The following SPHK1 variants were observed in gnomAD, a reference collection of about 807,000 sequenced individuals.
SPHK1 encodes SK 1.
In SPHK1, 10 loss-of-function variants were observed where a neutral mutation model predicts 14.6. The ratio of observed to expected loss-of-function variants is 0.68; its 90% CI spans 0.42 to 1.16. The LOEUF is 1.16. Ranked by LOEUF, SPHK1 falls within the 50% of genes most tolerant of loss-of-function variation. SPHK1 has a pLI of 0.00. For missense variants in SPHK1, 553 were observed against 525.4 expected (o/e 1.05, Z -0.51); for synonymous variants, 274 against 224.0 (o/e 1.22, Z -1.99).
chr17:76,384,964 CA>C, intron 1 of SPHK1, 158 bp downstream of exon 1: 1 of 982,954 alleles, frequency 1.0e-6, no homozygotes, highest in African/African-American at 1.7e-5. Context: ...GAGCGGCTCC[CA>C]CGAGCGCCGC....
Position 76,387,366 on chromosome 17 carries a change from TG to T in SPHK1, c.937del (p.Glu313SerfsTer32). On this transcript the variant is annotated frameshift_variant, in exon 6 of 6. Transcript: ENST00000592299. LOFTEE classifies it low-confidence loss of function (END_TRUNC). The surrounding 1 kb of genome is among the most constrained non-coding windows in gnomAD (Gnocchi z 4.1). Reference protein sequence around the residue: ...LFLAMEKGRHMEYECPYLVYV... With the variant: ...LFLAMEKGRHXEYECPYLVYV... Reference sequence around the variant, plus strand: ...CTGGCCATGGAGAAGGGCAGGCATATGGAGTATGAATGCCCCTACTTGGTAT... The same window carrying T: ...CTGGCCATGGAGAAGGGCAGGCATATGAGTATGAATGCCCCTACTTGGTAT... 1.9e-6 allele frequency: 3 copies of T among 1,613,910 alleles called. No individual in the cohort carries two copies. Among genetic ancestry groups the T allele is most frequent in the Non-Finnish European group, 2.5e-6 (3 of 1,180,018 alleles).
chr17:76,386,393 G>A lies in SPHK1; in HGVS notation c.259G>A (p.Val87Met), dbSNP rs772495930. 12 of 1,610,862 alleles carry A rather than the reference G, an allele frequency of 7.4e-6. No individual in the cohort carries two copies. The South Asian group carries it at 1.3e-4, about 18-fold the overall frequency. ...GCTGAGGCCACGTGTGCTTCAACAG[G>A]TGGTGAACGGGCTCATGGAGCGGCC... ...VMSGDGLMHE[V>M]VNGLMERPDW... The change falls in exon 5 of 6, where the codon GTG becomes ATG. Residue 87 changes from valine (V) to methionine (M), a missense_variant and splice_region_variant. Coordinates refer to ENST00000592299, the MANE Select transcript of SPHK1 (RefSeq NM_001142601.2). The surrounding 1 kb of genome is among the most constrained non-coding windows in gnomAD (Gnocchi z 5.3).
In SPHK1 at chr17:76,385,683, G is replaced by A. The variant is rs949077830; in HGVS notation, c.10+29G>A. The A allele has an allele frequency of 5.9e-6, 9 of 1,523,250 alleles. No homozygotes were observed. Among genetic ancestry groups the A allele is most frequent in the Admixed American group, 4.0e-5 (2 of 50,214 alleles). The allele number at this position is 1,523,250 out of a possible 1,614,324, so 94.4% of individuals were successfully genotyped here. A position where few individuals can be genotyped will look rare whatever the true frequency, so the allele number is the denominator to read the frequency against. On this transcript the variant is annotated intron_variant, in intron 2 of 5. Transcript: ENST00000592299. The surrounding 1 kb of genome is among the most constrained non-coding windows in gnomAD (Gnocchi z 5.3). ...TGTGGGGTTCCTGCTGGGAAGGGCTGTAGGGGGATTCCTGTTCCTCGCCAG... is the reference window on the plus strand; with the variant it reads ...TGTGGGGTTCCTGCTGGGAAGGGCTATAGGGGGATTCCTGTTCCTCGCCAG...
chr17:76,385,461 C>T lies in SPHK1; in HGVS notation c.-184C>T, dbSNP rs1170322216. The T allele has an allele frequency of 6.4e-7, 1 of 1,552,788 alleles. No individual in the cohort carries two copies. Among genetic ancestry groups the T allele is most frequent in the South Asian group, 1.2e-5 (1 of 85,574 alleles). ...TCTTCTCTCCCTCAGGTCCAGCCGC[C>T]GCAGGGAATGACGCCGGTGCTCCTG... On this transcript the variant is annotated 5_prime_UTR_variant, in exon 2 of 6. Transcript: ENST00000592299. This position sits in a 1 kb window ranked among gnomAD's most constrained non-coding sequence, Gnocchi z 5.3.
At position 76,385,786 on chromosome 17, in the gene SPHK1, C is replaced by T. The variant is rs1028705430; in HGVS notation, c.10+132C>T. 11 of 1,423,908 alleles carry T rather than the reference C, an allele frequency of 7.7e-6. No individual in the cohort carries two copies. The highest frequency in any genetic ancestry group is 2.0e-5 in the Admixed American group (1 of 50,520). The allele number at this position is 1,423,908 out of a possible 1,614,324, so 88.2% of individuals were successfully genotyped here. On this transcript the variant is annotated intron_variant, in intron 2 of 5. Coordinates refer to ENST00000592299, the MANE Select transcript of SPHK1 (RefSeq NM_001142601.2). This position sits in a 1 kb window ranked among gnomAD's most constrained non-coding sequence, Gnocchi z 5.3. ...CATTATCCCTCACGAGGCCAGAAGC[C>T]GGCCGAATCTGAGCCAAGGAAGGGG...
At position 76,387,731 on chromosome 17, in the gene SPHK1, A is replaced by G. The variant is rs922836317; in HGVS notation, c.*145A>G. ...AAGGTGGAGGCTATGCTTTGGGGGG[A>G]CAGGCCAGAATGAAGTCCTGGGTCA... On this transcript the variant is annotated 3_prime_UTR_variant, in exon 6 of 6. Transcript: ENST00000592299. The surrounding 1 kb of genome is among the most constrained non-coding windows in gnomAD (Gnocchi z 4.1). 11 of 988,066 alleles carry G rather than the reference A, an allele frequency of 1.1e-5. No individual in the cohort carries two copies. In the East Asian group the frequency reaches 2.1e-4, roughly 19 times the overall value. 61.2% of individuals were successfully genotyped at this position (988,066 alleles called of 1,614,324 possible).
chr17:76,387,592 G>A lies in SPHK1; in HGVS notation c.*6G>A. ...CGCCAGAAGAGCCCTTATGACCCCTGGGCCGCGCTGTGCCTTAGTGTCTAC... is the reference window on the plus strand; with the variant it reads ...CGCCAGAAGAGCCCTTATGACCCCTAGGCCGCGCTGTGCCTTAGTGTCTAC... On this transcript the variant is annotated 3_prime_UTR_variant, in exon 6 of 6. Coordinates refer to ENST00000592299, the MANE Select transcript of SPHK1 (RefSeq NM_001142601.2). The surrounding 1 kb of genome is among the most constrained non-coding windows in gnomAD (Gnocchi z 4.1). The A allele has an allele frequency of 6.4e-7, 1 of 1,572,378 alleles. No individual in the cohort carries two copies. Among genetic ancestry groups the A allele is most frequent in the Non-Finnish European group, 8.6e-7 (1 of 1,163,382 alleles).
chr17:76,383,655 C>G, upstream of SPHK1: 1 of 360,546 alleles, frequency 2.8e-6, no homozygotes. Context: ...CTTCTTCCTC[C>G]GTCTCCGCCG....
At position 76,386,621 on chromosome 17, in the gene SPHK1, T is replaced by C; in HGVS notation, c.374+113T>C. ...ATCATTTCCATTTCCCCTTCTCCCT[T>C]AGTCCTGGGGCCCTCTCCTGGTGAC... On this transcript the variant is annotated intron_variant, in intron 5 of 5. Transcript: ENST00000592299. The surrounding 1 kb of genome is among the most constrained non-coding windows in gnomAD (Gnocchi z 5.3). The C allele has an allele frequency of 8.2e-7, 1 of 1,221,036 alleles. No homozygotes were observed. Among genetic ancestry groups the C allele is most frequent in the Non-Finnish European group, 1.1e-6 (1 of 882,972 alleles). 75.6% of individuals were successfully genotyped at this position (1,221,036 alleles called of 1,614,324 possible).
At position 76,386,491 on chromosome 17, in the gene SPHK1, C is replaced by T. The variant is rs2099674821; in HGVS notation, c.357C>T (p.Ser119=). 4 of 1,612,432 alleles carry T rather than the reference C, an allele frequency of 2.5e-6. No individual in the cohort carries two copies. Among genetic ancestry groups the T allele is most frequent in the East Asian group, 2.2e-5 (1 of 44,888 alleles). ...PAGSGNALAA[S]LNHYAGYEQV... is the part of the protein sequence containing the mutation. ...GCTCTGGCAACGCGCTGGCAGCTTC[C>T]TTGAACCATTATGCTGGGTGAGAGC... The change falls in exon 5 of 6, where the codon TCC becomes TCT. Residue 119 remains serine, a synonymous_variant. Coordinates refer to ENST00000592299, the MANE Select transcript of SPHK1 (RefSeq NM_001142601.2). The surrounding 1 kb of genome is among the most constrained non-coding windows in gnomAD (Gnocchi z 5.3).
chr17:76,384,289 C>G (rs2071919877), upstream of SPHK1: 1 of 151,796 alleles, frequency 6.6e-6, no homozygotes, highest in African/African-American at 2.4e-5. Context: ...GCGCCTCCGT[C>G]TGCGCTGCGC....
Position 76,385,066 on chromosome 17 carries a change from G to T in SPHK1, c.-195+260G>T, listed in dbSNP as rs200588813. The T allele has an allele frequency of 3.2e-6, 5 of 1,545,508 alleles. No homozygotes were observed. In the Admixed American group the frequency reaches 9.9e-5, roughly 31 times the overall value. On this transcript the variant is annotated intron_variant, in intron 1 of 5. Coordinates refer to ENST00000592299, the MANE Select transcript of SPHK1 (RefSeq NM_001142601.2). This position sits in a 1 kb window ranked among gnomAD's most constrained non-coding sequence, Gnocchi z 5.3. The stretch of plus-strand genomic sequence containing the variant: ...GGCAGGGGACACGGCAACCTGGATG[G>T]CTGGGGCAGGGATCCTCTCCCAGAA...
rs1458915317 is a variant in SPHK1, at chr17:76,385,545, G to A, written c.-100G>A. 1.3e-6 allele frequency: 2 copies of A among 1,540,266 alleles called. No individual in the cohort carries two copies. The highest frequency in any genetic ancestry group is 2.4e-5 in the East Asian group (1 of 41,468). The stretch of plus-strand genomic sequence containing the variant: ...ACAGCCGGCCCTGCGACGCCCGCCT[G>A]GGCAGCACCGATAAGGAGCTGAAGG... On this transcript the variant is annotated 5_prime_UTR_variant, in exon 2 of 6. The change creates a premature stop within an existing upstream ORF in the 5' untranslated region. Transcript: ENST00000592299. This position sits in a 1 kb window ranked among gnomAD's most constrained non-coding sequence, Gnocchi z 5.3.
Position 76,386,254 on chromosome 17 carries a change from CGGA to C in SPHK1, c.202_204del (p.Glu68del). The C allele has an allele frequency of 6.3e-7, 1 of 1,595,092 alleles. No homozygotes were observed. Among genetic ancestry groups the C allele is most frequent in the Non-Finnish European group, 8.5e-7 (1 of 1,176,376 alleles). On this transcript the variant is annotated inframe_deletion, in exon 4 of 6. Coordinates refer to ENST00000592299, the MANE Select transcript of SPHK1 (RefSeq NM_001142601.2). This position sits in a 1 kb window ranked among gnomAD's most constrained non-coding sequence, Gnocchi z 5.3. ...AACCACGCGCGGGAGCTGGTGCGGT[CGGA>C]GGAGCTGGGCCGCTGGGACGCTCTG...
rs754789992 is a variant in SPHK1, at chr17:76,385,471, G to A, written c.-174G>A. The stretch of plus-strand genomic sequence containing the variant: ...CTCAGGTCCAGCCGCCGCAGGGAAT[G>A]ACGCCGGTGCTCCTGCAGCCACGGC... On this transcript the variant is annotated 5_prime_UTR_variant, in exon 2 of 6. It removes an upstream start codon present in the reference 5' UTR. Coordinates refer to ENST00000592299, the MANE Select transcript of SPHK1 (RefSeq NM_001142601.2). This position sits in a 1 kb window ranked among gnomAD's most constrained non-coding sequence, Gnocchi z 5.3. The A allele has an allele frequency of 1.3e-6, 2 of 1,558,874 alleles. No individual in the cohort carries two copies. Among genetic ancestry groups the A allele is most frequent in the Non-Finnish European group, 8.6e-7 (1 of 1,160,492 alleles).
chr17:76,386,652 C>A lies in SPHK1; in HGVS notation c.374+144C>A. ...TGGGGCCCTCTCCTGGTGACCCCAG[C>A]TGACTGCTTCCATTTGCTCCATCTG... On this transcript the variant is annotated intron_variant, in intron 5 of 5. Coordinates refer to ENST00000592299, the MANE Select transcript of SPHK1 (RefSeq NM_001142601.2). This position sits in a 1 kb window ranked among gnomAD's most constrained non-coding sequence, Gnocchi z 5.3. 8.7e-7 allele frequency: 1 copy of A among 1,146,846 alleles called. No individual in the cohort carries two copies. Among genetic ancestry groups the A allele is most frequent in the Non-Finnish European group, 1.2e-6 (1 of 820,368 alleles). The allele number at this position is 1,146,846 out of a possible 1,614,324, so 71.0% of individuals were successfully genotyped here.
Position 76,385,554 on chromosome 17 carries a change from C to A in SPHK1, c.-91C>A, listed in dbSNP as rs572002544. On this transcript the variant is annotated 5_prime_UTR_variant, in exon 2 of 6. Transcript: ENST00000592299. The surrounding 1 kb of genome is among the most constrained non-coding windows in gnomAD (Gnocchi z 5.3). ...CCTGCGACGCCCGCCTGGGCAGCAC[C>A]GATAAGGAGCTGAAGGCAGGAGCCG... is the stretch of plus-strand genomic sequence containing the variant. The A allele has an allele frequency of 6.5e-7, 1 of 1,540,198 alleles. No homozygotes were observed. Among genetic ancestry groups the A allele is most frequent in the Non-Finnish European group, 8.7e-7 (1 of 1,149,686 alleles).
At position 76,385,158 on chromosome 17, in the gene SPHK1, C is replaced by G; in HGVS notation, c.-194-293C>G. On this transcript the variant is annotated intron_variant, in intron 1 of 5. Transcript: ENST00000592299. The surrounding 1 kb of genome is among the most constrained non-coding windows in gnomAD (Gnocchi z 5.3). ...CGCAGCTGGACTCCCCTCCCCCTGGCAGCCCCGAGGGGTGAGGAGCTAGTC... is the reference window on the plus strand; with the variant it reads ...CGCAGCTGGACTCCCCTCCCCCTGGGAGCCCCGAGGGGTGAGGAGCTAGTC... 1.3e-6 allele frequency: 2 copies of G among 1,594,898 alleles called. No individual in the cohort carries two copies. The highest frequency in any genetic ancestry group is 1.7e-6 in the Non-Finnish European group (2 of 1,172,160).
chr17:76,387,129 C>T lies in SPHK1; in HGVS notation c.698C>T (p.Pro233Leu), dbSNP rs375151940. ...TCCCCCGTTGTGGTCCAGCAGGGCC[C>T]GGTAGATGCACACCTTGTGCCACTG... Reference protein sequence around the residue: ...PASPVVVQQGPVDAHLVPLEE... With the variant: ...PASPVVVQQGLVDAHLVPLEE... Residue 233 changes from proline (P) to leucine (L), a missense_variant, in exon 6 of 6, where the codon CCG (proline) becomes CTG (leucine). By Grantham distance (98) the Pro-to-Leu change is moderately conservative. Coordinates refer to ENST00000592299, the MANE Select transcript of SPHK1 (RefSeq NM_001142601.2). This position sits in a 1 kb window ranked among gnomAD's most constrained non-coding sequence, Gnocchi z 4.1. 110 of 1,613,164 alleles carry T rather than the reference C, an allele frequency of 6.8e-5. No individual in the cohort carries two copies. Among genetic ancestry groups the T allele is most frequent in the South Asian group, 2.0e-4 (18 of 91,060 alleles).
Sources: gnomAD v4.1 joint callset for allele counts on GRCh38, gnomAD v4.1.1 for gene constraint, Gnocchi (gnomAD v3.1) non-coding constraint, MANE v1.5 for transcripts, NCBI Gene and HGNC (gene_info 2026-07-23, HGNC 2026-07-21) for gene names.